Variants in AFF4 observed in about 807,000 individuals in gnomAD.
The protein encoded by AFF4 is AF4/FMR2 family member 4.
Under a neutral mutation model 124.8 loss-of-function variants are expected in AFF4, and 13 were observed. That is an observed-to-expected ratio of 0.10 (90% confidence interval 0.07 to 0.17). The LOEUF (loss-of-function observed/expected upper bound fraction) is 0.17. AFF4 is among the 10% of genes least tolerant of loss of function. The pLI, the probability that AFF4 is intolerant of heterozygous loss-of-function variation, is 1.00. For missense variants in AFF4, 1,092 were observed against 1,403.8 expected (o/e 0.78, Z 3.55); for synonymous variants, 477 against 496.1 (o/e 0.96, Z 0.51).
chr5:132,948,065 T>A (rs1761742348), intron 1 of AFF4, among the ~76,000 whole-genome samples: 1 of 152,192 alleles, frequency 6.6e-6, no homozygotes, highest in South Asian at 2.1e-4. Context: ...TGTGCTTTTT[T>A]TTTTGAGATG....
chr5:132,910,836 A>C (rs1760778372), intron 5 of AFF4, among the ~76,000 whole-genome samples: 1 of 152,212 alleles, frequency 6.6e-6, no homozygotes, highest in Non-Finnish European at 1.5e-5. Context: ...GAGCAAGAAC[A>C]TTTAAATTGT....
At chr5:132,889,029 T>C (rs1247090546) in intron 14 of AFF4, 50 bp downstream of exon 14, 1 of 1,532,040 alleles carries the variant, frequency 6.5e-7, no homozygotes, top group African/African-American at 1.4e-5. Flanking sequence ...TCTTATATGC[T>C]GACTGGAATC....
intron 5 of AFF4, among the ~76,000 whole-genome samples, chr5:132,918,919 T>A (rs1000478472): frequency 3.3e-5 from 5 of 150,548 alleles, no homozygotes; most frequent in African/African-American, 1.2e-4. Flanking sequence ...AGAGTCTTGC[T>A]CTGTCACGCA....
chr5:132,896,271 C>A, intron 11 of AFF4, 52 bp downstream of exon 11: 3 of 1,523,256 alleles, frequency 2.0e-6, no homozygotes, highest in East Asian at 4.5e-5. Flanking sequence ...AGATTTCCAC[C>A]GCATTTCAGA....
intron 5 of AFF4, chr5:132,926,300 A>G: frequency 2.3e-6 from 1 of 432,648 alleles, no homozygotes; most frequent in Non-Finnish European, 4.6e-6. Context: ...TTTCACAAGG[A>G]GAATGTATTT....
intron 16 of AFF4, 100 bp downstream of exon 16, chr5:132,887,746 G>C: frequency 6.5e-7 from 1 of 1,533,598 alleles, no homozygotes; most frequent in Non-Finnish European, 8.9e-7. Flanking sequence ...GGACATTAAA[G>C]GATTATACAC....
chr5:132,920,084 C>G (rs1157798090), intron 5 of AFF4, among the ~76,000 whole-genome samples: 2 of 151,580 alleles, frequency 1.3e-5, no homozygotes, highest in Non-Finnish European at 2.9e-5. Context: ...GAGTCTTGCT[C>G]TGTTGCCCAG....
At chr5:132,932,319 C>T (rs1375965588) in intron 3 of AFF4, 97 bp from the exon 4 acceptor site, 6 of 964,896 alleles carry the variant, frequency 6.2e-6, no homozygotes, top group African/African-American at 5.0e-5. Context: ...TTTATGACCC[C>T]ACTACTCTAA....
chr5:132,927,374 G>A, intron 4 of AFF4, 167 bp from the exon 5 acceptor site: 1 of 553,450 alleles, frequency 1.8e-6, no homozygotes, highest in South Asian at 2.4e-5. Context: ...GCACTATGGT[G>A]TAGGTAATAA....
chr5:132,905,660 A>T (rs1760656894), intron 5 of AFF4, among the ~76,000 whole-genome samples: 1 of 152,118 alleles, frequency 6.6e-6, no homozygotes. Flanking sequence ...AAAACAAAAC[A>T]AAACAAAACA....
At chr5:132,904,331 G>A in intron 6 of AFF4, 37 bp downstream of exon 6, 1 of 1,586,014 alleles carries the variant, frequency 6.3e-7, no homozygotes, top group Non-Finnish European at 8.6e-7. Context: ...TCAATAAATA[G>A]CTTAATTTGA....
intron 1 of AFF4, among the ~76,000 whole-genome samples, chr5:132,954,572 G>A: frequency 8.5e-6 from 1 of 117,326 alleles, no homozygotes; most frequent in South Asian, 3.2e-4. Flanking sequence ...TTTTGAGACG[G>A]AGTCTCGCTC....
chr5:132,918,237 A>ATG (rs1409485853), intron 5 of AFF4, among the ~76,000 whole-genome samples: 2 of 152,016 alleles, frequency 1.3e-5, no homozygotes, highest in Admixed American at 1.3e-4. Flanking sequence ...TACTAAGAGT[A>ATG]TAAAGATTAG....
intron 2 of AFF4, among the ~76,000 whole-genome samples, chr5:132,935,403 A>C (rs1761401129): frequency 1.3e-5 from 2 of 152,216 alleles, no homozygotes; most frequent in Non-Finnish European, 2.9e-5. Flanking sequence ...AGACGGACAG[A>C]TCACCTGATG....
intron 1 of AFF4, among the ~76,000 whole-genome samples, chr5:132,960,740 T>C (rs1285794001): frequency 6.6e-6 from 1 of 152,162 alleles, no homozygotes; most frequent in African/African-American, 2.4e-5. Context: ...TATTATCACA[T>C]TCAAATTCAA....
At chr5:132,943,796 AC>A in intron 1 of AFF4, 1 of 270,140 alleles carries the variant, frequency 3.7e-6, no homozygotes. Context: ...ATCCTGAACC[AC>A]CCAGTCCAAA....
Position 132,875,679 on chromosome 5 carries a change from C to T in AFF4, c.*5380G>A, listed in dbSNP as rs1200173014. On this transcript the variant is annotated 3_prime_UTR_variant, in exon 21 of 21. Transcript: ENST00000265343. ...TAGTTAGTATATAATACTTTGCTCA[C>T]CATTAACAGCTTTATCGTGTGAAAT... The T allele has an allele frequency of 5.0e-6, 1 of 201,210 alleles. No homozygotes were observed. The allele number at this position is 201,210 out of a possible 1,614,324, so 12.5% of individuals were successfully genotyped here.
At chr5:132,932,060 C>T (rs1761312158) in intron 4 of AFF4, 118 bp downstream of exon 4, 1 of 585,530 alleles carries the variant, frequency 1.7e-6, no homozygotes, top group Non-Finnish European at 2.8e-6. Context: ...AATCAAGTTA[C>T]AAATATAAGC....
chr5:132,915,067 G>A (rs964472677), intron 5 of AFF4, among the ~76,000 whole-genome samples: 1 of 152,058 alleles, frequency 6.6e-6, no homozygotes, highest in African/African-American at 2.4e-5. Context: ...GGCCAGGCAC[G>A]GTGGCTCATG....
Sources: allele counts gnomAD v4.1 joint callset (sites outside exome capture counted in the v4.1 genomes callset), GRCh38; gene constraint gnomAD v4.1.1; transcripts MANE v1.5; gene names NCBI Gene and HGNC (gene_info 2026-07-23, HGNC 2026-07-21).